The following PRRX2 variants were observed in gnomAD, a reference collection of about 807,000 sequenced individuals.
PRRX2 encodes paired mesoderm homeobox protein 2.
A neutral mutation model predicts 18.0 loss-of-function variants in PRRX2; 11 were observed. The ratio of observed to expected loss-of-function variants is 0.61; its 90% CI spans 0.39 to 1.01. PRRX2 has a LOEUF of 1.01. PRRX2 is among the 50% of genes least tolerant of loss of function. PRRX2 has a pLI of 0.01. For synonymous variants in PRRX2, 177 were observed against 154.8 expected (o/e 1.14, Z -1.06); for missense variants, 387 against 351.0 (o/e 1.10, Z -0.82).
intron 1 of PRRX2, among the ~76,000 whole-genome samples, chr9:129,670,905 G>A (rs924555678): frequency 1.3e-5 from 2 of 152,100 alleles, no homozygotes; most frequent in African/African-American, 4.8e-5. Context: ...CTGGGACAAG[G>A]GGAGTCATGC....
chr9:129,709,260 G>A lies in PRRX2; in HGVS notation c.260-9971G>A, dbSNP rs1832591247. On this transcript the variant is annotated intron_variant, in intron 1 of 3. Transcript: ENST00000372469. The surrounding 1 kb of genome is among the most constrained non-coding windows in gnomAD (Gnocchi z 4.2). Reference sequence around the variant, plus strand: ...CCCTCCGCTTTCTTGTGGGTCTGGTGGCCCCATGGAAATGTGTGCATGTCA... The same window carrying A: ...CCCTCCGCTTTCTTGTGGGTCTGGTAGCCCCATGGAAATGTGTGCATGTCA... Among the ~76,000 whole-genome samples the A allele has an allele frequency of 6.6e-6, 1 of 152,204 alleles. No homozygotes were observed. The highest frequency in any genetic ancestry group is 2.4e-5 in the African/African-American group (1 of 41,450).
chr9:129,687,583 C>T (rs1301718246), intron 1 of PRRX2, among the ~76,000 whole-genome samples: 1 of 152,196 alleles, frequency 6.6e-6, no homozygotes, highest in Non-Finnish European at 1.5e-5. Context: ...TCAACAGTGG[C>T]GCCTGGCACA....
chr9:129,702,619 G>C (rs919927816), intron 1 of PRRX2, among the ~76,000 whole-genome samples: 2 of 152,206 alleles, frequency 1.3e-5, no homozygotes, highest in Non-Finnish European at 2.9e-5. Flanking sequence ...GGACGGTACA[G>C]AGCTAGAGTG....
intron 1 of PRRX2, among the ~76,000 whole-genome samples, chr9:129,683,720 G>A (rs746071598): frequency 2.6e-5 from 4 of 151,992 alleles, no homozygotes; most frequent in Admixed American, 1.3e-4. Context: ...GGGCGACAGA[G>A]CGAGACTCCA....
chr9:129,670,842 C>T (rs76055936), intron 1 of PRRX2, among the ~76,000 whole-genome samples: 1,964 of 152,326 alleles, frequency 0.013, 26 homozygotes, highest in Non-Finnish European at 0.023. Context: ...CTTTGAAAGG[C>T]AGCTTGCGTT....
intron 1 of PRRX2, among the ~76,000 whole-genome samples, chr9:129,685,854 G>T (rs1008362926): frequency 6.6e-6 from 1 of 152,242 alleles, no homozygotes; most frequent in African/African-American, 2.4e-5. Context: ...CCCTGAGGGC[G>T]CAGAGGGAAC....
chr9:129,701,015 A>C (rs758428833), intron 1 of PRRX2, among the ~76,000 whole-genome samples: 6 of 152,244 alleles, frequency 3.9e-5, no homozygotes, highest in Non-Finnish European at 8.8e-5. Context: ...ACTTATGTGA[A>C]GGATTTGGGG....
At chr9:129,718,066 C>T (rs1320899017) in intron 1 of PRRX2, among the ~76,000 whole-genome samples, 1 of 151,830 alleles carries the variant, frequency 6.6e-6, no homozygotes, top group African/African-American at 2.4e-5. Flanking sequence ...CTGGACGCCC[C>T]CCCACCCCCT....
Position 129,720,773 on chromosome 9 carries a change from AG to A in PRRX2, c.626+1del. The A allele has an allele frequency of 6.4e-7, 1 of 1,571,592 alleles. No homozygotes were observed. The highest frequency in any genetic ancestry group is 8.6e-7 in the Non-Finnish European group (1 of 1,156,798). On this transcript the variant is annotated frameshift_variant and splice_region_variant, in exon 3 of 4. Coordinates refer to ENST00000372469, the MANE Select transcript of PRRX2 (RefSeq NM_016307.4). LOFTEE classifies it high-confidence loss of function. ...YLSWTASSPYSTVPPYSPGSS... is the reference protein window; with the variant it reads ...YLSWTASSPYXTVPPYSPGSS... ...CTCCTGGACAGCCTCGTCCCCCTAC[AG>A]GTGAGAGCGGGAACACCTTTGGGCC... is the stretch of plus-strand genomic sequence containing the variant.
At chr9:129,720,024 T>G (rs13300949) in intron 2 of PRRX2, among the ~76,000 whole-genome samples, 3,254 of 152,018 alleles carry the variant, frequency 0.021, 54 homozygotes, top group Middle Eastern at 0.075. Context: ...AAAAATAAAT[T>G]TTCGTAAAGC....
chr9:129,673,936 G>A (rs1457175102), intron 1 of PRRX2, among the ~76,000 whole-genome samples: 1 of 152,146 alleles, frequency 6.6e-6, no homozygotes, highest in Non-Finnish European at 1.5e-5. Context: ...GGTGCCCGGC[G>A]GTCAGCATCC....
intron 1 of PRRX2, among the ~76,000 whole-genome samples, chr9:129,684,520 AC>A (rs1832278723): frequency 2.4e-5 from 1 of 41,298 alleles, no homozygotes; most frequent in Non-Finnish European, 5.5e-5. Flanking sequence ...ACACACACAC[AC>A]ACCCACACAC....
At chr9:129,691,061 A>T (rs1832354817) in intron 1 of PRRX2, among the ~76,000 whole-genome samples, 1 of 151,436 alleles carries the variant, frequency 6.6e-6, no homozygotes, top group African/African-American at 2.4e-5. Context: ...ACAGTGGCTT[A>T]TGCCTGTAAT....
At chr9:129,690,537 C>T (rs946735824) in intron 1 of PRRX2, among the ~76,000 whole-genome samples, 10 of 148,126 alleles carry the variant, frequency 6.8e-5, no homozygotes, top group Admixed American at 2.0e-4. Context: ...GACGGAGTCT[C>T]GCTCTGTCAC....
intron 1 of PRRX2, among the ~76,000 whole-genome samples, chr9:129,693,598 C>CAA (rs61440612): frequency 4.7e-5 from 5 of 105,318 alleles, no homozygotes; most frequent in Admixed American, 9.5e-5. Flanking sequence ...AACTCTGTCT[C>CAA]AAAAAAAAAA....
At chr9:129,668,112 G>A (rs1832050757) in intron 1 of PRRX2, among the ~76,000 whole-genome samples, 1 of 152,214 alleles carries the variant, frequency 6.6e-6, no homozygotes, top group African/African-American at 2.4e-5. Context: ...CTCCGCCCGG[G>A]GTGTGGCCCG....
chr9:129,686,776 G>A (rs925159096), intron 1 of PRRX2, among the ~76,000 whole-genome samples: 2 of 152,242 alleles, frequency 1.3e-5, no homozygotes, highest in Middle Eastern at 3.4e-3. Flanking sequence ...CTCCGGATTC[G>A]CCCTCACCAC....
chr9:129,720,276 T>TCC (rs1285843014), intron 2 of PRRX2, among the ~76,000 whole-genome samples: 1 of 148,062 alleles, frequency 6.8e-6, no homozygotes, highest in African/African-American at 2.5e-5. Context: ...CAAGCGCCTC[T>TCC]CCCCCCGAGT....
At chr9:129,681,528 A>G (rs924363976) in intron 1 of PRRX2, among the ~76,000 whole-genome samples, 9 of 152,090 alleles carry the variant, frequency 5.9e-5, no homozygotes, top group African/African-American at 2.2e-4. Flanking sequence ...TCAAAAAAAA[A>G]CAGAAAGCAG....
Sources: allele counts gnomAD v4.1 joint callset (sites outside exome capture counted in the v4.1 genomes callset), GRCh38; gene constraint gnomAD v4.1.1; non-coding constraint Gnocchi (gnomAD v3.1); transcripts MANE v1.5; gene names NCBI Gene and HGNC (gene_info 2026-07-23, HGNC 2026-07-21).